The following LDLRAD4 variants were observed in gnomAD, a reference collection of about 807,000 sequenced individuals.
LDLRAD4 encodes the protein low density lipoprotein receptor class A domain containing 4, also known as low-density lipoprotein receptor class A domain-containing protein 4.
A neutral mutation model predicts 17.0 loss-of-function variants in LDLRAD4; 5 were observed. The ratio of observed to expected loss-of-function variants is 0.29; its 90% confidence interval spans 0.15 to 0.62. The LOEUF is 0.62. LDLRAD4 is among the 20% of genes least tolerant of loss of function. The pLI is 0.84. For missense variants in LDLRAD4, 340 were observed against 424.7 expected (o/e 0.80, Z 1.75); for synonymous variants, 168 against 171.8 (o/e 0.98, Z 0.17).
At chr18:13,534,582 A>G (rs901634826) in intron 3 of LDLRAD4, among the ~76,000 whole-genome samples, 4 of 152,184 alleles carry the variant, frequency 2.6e-5, no homozygotes, top group African/African-American at 7.2e-5. Flanking sequence ...AAATAAACAC[A>G]TAGAAGAGAG....
chr18:13,261,404 G>A (rs1023154147), intron 1 of LDLRAD4, among the ~76,000 whole-genome samples: 3 of 152,222 alleles, frequency 2.0e-5, no homozygotes, highest in Non-Finnish European at 4.4e-5. Flanking sequence ...TGTAGAAAGG[G>A]AACTTTGAGA....
At chr18:13,513,848 T>C (rs574340273) in intron 3 of LDLRAD4, among the ~76,000 whole-genome samples, 2 of 152,356 alleles carry the variant, frequency 1.3e-5, no homozygotes, top group South Asian at 4.1e-4. Flanking sequence ...AGAGATCTTG[T>C]TGATGAAGAC....
intron 1 of LDLRAD4, among the ~76,000 whole-genome samples, chr18:13,323,267 C>T (rs1242671428): frequency 6.6e-6 from 1 of 152,276 alleles, no homozygotes; most frequent in East Asian, 1.9e-4. Context: ...TCCCAAGTAG[C>T]TGGAGCTATG....
intron 3 of LDLRAD4, among the ~76,000 whole-genome samples, chr18:13,577,787 T>C (rs990618266): frequency 9.9e-5 from 15 of 152,156 alleles, no homozygotes; most frequent in African/African-American, 3.4e-4. Flanking sequence ...GAGGCGTACC[T>C]CTTAAGAAAA....
At chr18:13,611,978 C>T (rs2148720838) in intron 3 of LDLRAD4, 1 of 985,400 alleles carries the variant, frequency 1.0e-6, no homozygotes, top group Non-Finnish European at 1.2e-6. Flanking sequence ...TGCTCCCAGC[C>T]GGGCGAGCAC....
intron 3 of LDLRAD4, chr18:13,472,729 C>G (rs1465265292): frequency 6.6e-6 from 1 of 152,218 alleles, no homozygotes; most frequent in Non-Finnish European, 1.5e-5. Flanking sequence ...TCACAGAGGT[C>G]CCTGGTTAAT....
chr18:13,405,591 T>G (rs1229965981), intron 2 of LDLRAD4, among the ~76,000 whole-genome samples: 3 of 150,732 alleles, frequency 2.0e-5, no homozygotes, highest in African/African-American at 7.4e-5. Flanking sequence ...CCACCATGCC[T>G]GGCTAATTAA....
At chr18:13,400,072 G>T (rs1421960659) in intron 2 of LDLRAD4, among the ~76,000 whole-genome samples, 1 of 152,244 alleles carries the variant, frequency 6.6e-6, no homozygotes, top group East Asian at 1.9e-4. Context: ...TGGAGAGCCA[G>T]TCGGCGTTAG....
intron 1 of LDLRAD4, among the ~76,000 whole-genome samples, chr18:13,228,755 T>C (rs993686155): frequency 2.6e-5 from 4 of 152,216 alleles, no homozygotes; most frequent in African/African-American, 9.7e-5. Context: ...GGTTTGAATA[T>C]GACATTCAAA....
chr18:13,355,105 A>G (rs919211185), intron 1 of LDLRAD4, among the ~76,000 whole-genome samples: 1 of 152,256 alleles, frequency 6.6e-6, no homozygotes, highest in East Asian at 1.9e-4. Context: ...CACTGTGGCA[A>G]AGATGCCTGG....
chr18:13,540,101 G>T (rs1253727607), intron 3 of LDLRAD4, among the ~76,000 whole-genome samples: 2 of 152,194 alleles, frequency 1.3e-5, no homozygotes, highest in East Asian at 1.9e-4. Context: ...CAGAAGTTAC[G>T]CAGCCAGATG....
At chr18:13,646,735 G>T (rs1234122574) in exon 6 of LDLRAD4, 1 of 152,560 alleles carries the variant, frequency 6.6e-6, no homozygotes, top group African/African-American at 2.4e-5. Context: ...TAAAATGCAA[G>T]GTGGTTATTC....
At chr18:13,473,678 T>A (rs8096091) in intron 3 of LDLRAD4, among the ~76,000 whole-genome samples, 3,674 of 79,624 alleles carry the variant, frequency 0.046, 422 homozygotes, top group East Asian at 0.066. Context: ...TATATATATA[T>A]AACGTTTACA....
intron 2 of LDLRAD4, among the ~76,000 whole-genome samples, chr18:13,414,724 G>A (rs546410249): frequency 4.0e-4 from 61 of 152,324 alleles, no homozygotes; most frequent in Middle Eastern, 3.4e-3. Flanking sequence ...AGCAGGAAAG[G>A]GTGGGGAGCT....
intron 1 of LDLRAD4, among the ~76,000 whole-genome samples, chr18:13,371,337 T>C (rs948398720): frequency 6.6e-6 from 1 of 152,164 alleles, no homozygotes; most frequent in African/African-American, 2.4e-5. Context: ...AGCCCAGTGT[T>C]CCATGCCCTG....
At chr18:13,596,065 A>G (rs538407404) in intron 3 of LDLRAD4, among the ~76,000 whole-genome samples, 1 of 152,104 alleles carries the variant, frequency 6.6e-6, no homozygotes, top group Non-Finnish European at 1.5e-5. Context: ...TTGGATGTAT[A>G]TATGTGTGTA....
intron 1 of LDLRAD4, among the ~76,000 whole-genome samples, chr18:13,224,498 G>C (rs1415825294): frequency 2.0e-4 from 1 of 4,882 alleles, no homozygotes; most frequent in East Asian, 2.7e-3. Context: ...TTTTTTTTTT[G>C]AGACGGAGTC....
intron 2 of LDLRAD4, among the ~76,000 whole-genome samples, chr18:13,412,175 G>A (rs928150611): frequency 6.6e-5 from 10 of 152,090 alleles, no homozygotes; most frequent in African/African-American, 1.9e-4. Flanking sequence ...ATTTGCTCAG[G>A]GCAATTCCCT....
At chr18:13,237,381 T>C (rs2042389462) in intron 1 of LDLRAD4, among the ~76,000 whole-genome samples, 1 of 152,204 alleles carries the variant, frequency 6.6e-6, no homozygotes, top group African/African-American at 2.4e-5. Flanking sequence ...CCGTAGATGG[T>C]CTCTTAGTTC....
Sources: gnomAD v4.1 joint callset for allele counts (sites outside exome capture counted in the v4.1 genomes callset) on GRCh38, gnomAD v4.1.1 for gene constraint, MANE v1.5 for transcripts, NCBI Gene and HGNC (gene_info 2026-07-23, HGNC 2026-07-21) for gene names.